KLF8: variants seen among roughly 807,000 people sequenced by gnomAD.
The protein encoded by KLF8 is Krueppel-like factor 8.
In KLF8, 10 loss-of-function variants were observed where a neutral mutation model predicts 18.2. That is an observed-to-expected ratio of 0.55 (90% CI 0.34 to 0.93). The LOEUF (loss-of-function observed/expected upper bound fraction) is 0.93. Ranked by LOEUF, KLF8 falls within the 40% of genes least tolerant of loss-of-function variation. The probability of loss-of-function intolerance (pLI) is 0.02; values close to 1 mark genes in which losing one functional copy is unlikely to be tolerated. For missense variants in KLF8, 264 were observed against 277.9 expected (o/e 0.95, Z 0.36); for synonymous variants, 109 against 97.3 (o/e 1.12, Z -0.71).
At chrX:56,121,023 G>C in the KLF8 span, among the ~76,000 whole-genome samples, 1 of 109,470 alleles carries the variant, frequency 9.1e-6, no homozygotes, top group South Asian at 3.9e-4. Context: ...CGTCTCTACT[G>C]AAAATACAAA....
At chrX:55,976,374 C>T in the KLF8 span, among the ~76,000 whole-genome samples, 1 of 111,153 alleles carries the variant, frequency 9.0e-6, no homozygotes, top group Non-Finnish European at 1.9e-5. Flanking sequence ...CCCATTTCCC[C>T]CAGCTCCTGA....
intron 4 of KLF8, 24 bp downstream of exon 4, chrX:56,269,513 C>T: frequency 1.8e-6 from 2 of 1,135,897 alleles, no homozygotes; most frequent in Non-Finnish European, 2.3e-6. Context: ...GTCTTCAAGT[C>T]TGTCTTTGTG....
the KLF8 span, among the ~76,000 whole-genome samples, chrX:56,161,820 C>A: frequency 3.6e-5 from 4 of 112,108 alleles, no homozygotes; most frequent in African/African-American, 1.3e-4. Context: ...TGACGAGCTG[C>A]ATTCCTTTGG....
intron 5 of KLF8, among the ~76,000 whole-genome samples, chrX:56,276,672 G>T (rs951502505): frequency 2.7e-5 from 3 of 111,196 alleles, no homozygotes; most frequent in African/African-American, 9.8e-5. Context: ...CTTCTTTTAG[G>T]ATCCTTTCTT....
chrX:55,941,939 C>T, the KLF8 span, among the ~76,000 whole-genome samples: 1 of 111,502 alleles, frequency 9.0e-6, no homozygotes, highest in East Asian at 2.8e-4. Context: ...CTAGTTCAAC[C>T]ATTATGGAAG....
At chrX:55,972,692 A>G in the KLF8 span, among the ~76,000 whole-genome samples, 1 of 111,381 alleles carries the variant, frequency 9.0e-6, no homozygotes, top group Non-Finnish European at 1.9e-5. Context: ...TAAATTACAG[A>G]AAAACTGCTG....
At chrX:55,967,938 TGTTAA>T in the KLF8 span, among the ~76,000 whole-genome samples, 2 of 111,774 alleles carry the variant, frequency 1.8e-5, no homozygotes, top group African/African-American at 6.5e-5. Context: ...ATGCAATCAG[TGTTAA>T]GTTGTCAGCA....
chrX:56,020,940 C>T, the KLF8 span, among the ~76,000 whole-genome samples: 79 of 111,946 alleles, frequency 7.1e-4, no homozygotes, highest in Non-Finnish European at 1.2e-3. Context: ...ATATTGTTCC[C>T]TTTGCCTCAA....
the KLF8 span, among the ~76,000 whole-genome samples, chrX:56,051,525 T>C: frequency 0.11 from 12,085 of 109,677 alleles, 1,257 homozygotes; most frequent in African/African-American, 0.32. Context: ...CCTTCACTTA[T>C]GAAGCTTAGT....
the KLF8 span, among the ~76,000 whole-genome samples, chrX:56,096,046 A>G: frequency 8.9e-6 from 1 of 111,952 alleles, no homozygotes; most frequent in African/African-American, 3.2e-5. Context: ...TGGAATCAAC[A>G]TAAGTGTTCA....
the KLF8 span, among the ~76,000 whole-genome samples, chrX:56,090,876 A>T: frequency 9.0e-6 from 1 of 111,469 alleles, no homozygotes; most frequent in Admixed American, 9.5e-5. Context: ...AATATATGGT[A>T]TTTCATTTTC....
the KLF8 span, among the ~76,000 whole-genome samples, chrX:56,028,681 A>G: frequency 9.0e-6 from 1 of 111,181 alleles, no homozygotes; most frequent in Non-Finnish European, 1.9e-5. Flanking sequence ...GGAATTTTTG[A>G]ACCCTTGGGG....
the KLF8 span, among the ~76,000 whole-genome samples, chrX:55,922,523 C>T: frequency 8.9e-6 from 1 of 112,261 alleles, no homozygotes; most frequent in African/African-American, 3.2e-5. Context: ...GGCTTAATAC[C>T]TATGTGATGG....
chrX:56,111,653 A>G, the KLF8 span, among the ~76,000 whole-genome samples: 1 of 112,344 alleles, frequency 8.9e-6, no homozygotes, highest in South Asian at 3.7e-4. Flanking sequence ...AAACAACCCT[A>G]TCAAAAAGTG....
chrX:56,052,929 CG>C, the KLF8 span, among the ~76,000 whole-genome samples: 1 of 111,489 alleles, frequency 9.0e-6, no homozygotes, highest in Non-Finnish European at 1.9e-5. Flanking sequence ...ACTCCGTGGG[CG>C]TAGGACCCTC....
upstream of KLF8, among the ~76,000 whole-genome samples, chrX:56,231,914 G>C (rs996189036): frequency 1.2e-4 from 13 of 110,049 alleles, no homozygotes; most frequent in African/African-American, 4.3e-4. Flanking sequence ...TCACCTCCTT[G>C]GCTTATCTCT....
the KLF8 span, among the ~76,000 whole-genome samples, chrX:55,915,938 GCTTATTT>G: frequency 1.3e-3 from 147 of 111,744 alleles, 1 homozygote; most frequent in Non-Finnish European, 2.6e-3. Context: ...TGGCATATCT[GCTTATTT>G]CTTCTCTCTT....
chrX:56,145,019 C>A, the KLF8 span, among the ~76,000 whole-genome samples: 3 of 109,864 alleles, frequency 2.7e-5, no homozygotes, highest in African/African-American at 9.9e-5. Context: ...TCTTGAACTC[C>A]TGACCTTAAG....
the KLF8 span, among the ~76,000 whole-genome samples, chrX:55,996,035 T>C: frequency 8.9e-6 from 1 of 112,162 alleles, no homozygotes; most frequent in African/African-American, 3.2e-5. Context: ...TAATCCCATA[T>C]TTCTTGGTGA....
Sources: allele counts gnomAD v4.1 joint callset (sites outside exome capture counted in the v4.1 genomes callset), GRCh38; gene constraint gnomAD v4.1.1; transcripts MANE v1.5; gene names NCBI Gene and HGNC (gene_info 2026-07-23, HGNC 2026-07-21).